The following IRS1 variants were observed in gnomAD, a reference collection of about 807,000 sequenced individuals.
IRS1 encodes the protein insulin receptor substrate 1.
IRS1 carries 34 observed loss-of-function variants against 65.6 expected under a neutral mutation model. The ratio of observed to expected loss-of-function variants is 0.52; its 90% CI spans 0.39 to 0.69. The LOEUF is 0.69. IRS1 is among the 30% of genes least tolerant of loss of function. The pLI, the probability that IRS1 is intolerant of heterozygous loss-of-function variation, is 0.00. For missense variants in IRS1, 1,641 were observed against 1,720.2 expected, an observed-to-expected ratio of 0.95 and a Z score of 0.81; for synonymous variants, 699 against 683.5, an observed-to-expected ratio of 1.02 and a Z score of -0.35.
In IRS1 at chr2:226,768,136, G is replaced by A. The variant is rs538939420; in HGVS notation, c.*21+26853C>T. 5.3e-5 allele frequency among the ~76,000 whole-genome samples: 8 copies of A among 152,110 alleles called. No individual in the cohort carries two copies. The South Asian group carries it at 1.5e-3, about 28-fold the overall frequency. On this transcript the variant is annotated intron_variant, in intron 1 of 1. Transcript: ENST00000305123. ...ACACTCTTCACCAGCACACAGCCTC[G>A]CCCCATAAGTCTCTCCCTTACTTCA...
At chr2:226,792,488 A>C (rs1939631452) in intron 1 of IRS1, 1 of 152,328 alleles carries the variant, frequency 6.6e-6, no homozygotes, top group African/African-American at 2.4e-5. Context: ...AGCAAGCCAG[A>C]ACTAAGAGGC....
At chr2:226,743,430 G>A (rs1317228001) in intron 1 of IRS1, among the ~76,000 whole-genome samples, 4 of 152,052 alleles carry the variant, frequency 2.6e-5, no homozygotes, top group Admixed American at 6.6e-5. Context: ...GGGTTTCACC[G>A]TGTTGGCCAG....
At chr2:226,764,475 C>T (rs1170441663) in intron 1 of IRS1, among the ~76,000 whole-genome samples, 2 of 151,988 alleles carry the variant, frequency 1.3e-5, no homozygotes, top group East Asian at 1.9e-4. Flanking sequence ...TCGAGGAGTG[C>T]GAGGCTGCAG....
At chr2:226,782,260 G>C (rs1325014014) in intron 1 of IRS1, among the ~76,000 whole-genome samples, 2 of 152,058 alleles carry the variant, frequency 1.3e-5, no homozygotes, top group African/African-American at 2.4e-5. Flanking sequence ...GTCTTGTTTT[G>C]TTTTGTTCTG....
intron 1 of IRS1, chr2:226,792,149 T>G (rs1173699345): frequency 1.3e-5 from 2 of 152,158 alleles, no homozygotes; most frequent in African/African-American, 4.8e-5. Flanking sequence ...TCTTTTTCTT[T>G]TTTCTTTTAA....
chr2:226,799,605 G>A lies in IRS1; in HGVS notation c.-867C>T, dbSNP rs1383607958. 1 of 1,011,298 alleles carries A rather than the reference G, an allele frequency of 9.9e-7. No individual in the cohort carries two copies. Among genetic ancestry groups the A allele is most frequent in the African/African-American group, 1.7e-5 (1 of 57,272 alleles). 62.6% of individuals were successfully genotyped at this position (1,011,298 alleles called of 1,614,324 possible). On this transcript the variant is annotated 5_prime_UTR_variant, in exon 1 of 2. Coordinates refer to ENST00000305123, the MANE Select transcript of IRS1 (RefSeq NM_005544.3). The surrounding 1 kb of genome is among the most constrained non-coding windows in gnomAD (Gnocchi z 6.1). ...GATGGGGGAGGTTTGGGAAGGGTTC[G>A]GGGAAGACGCCTGTTCCTCGGGAGG...
In IRS1 at chr2:226,795,030, G is replaced by C. The variant is rs747703859; in HGVS notation, c.3709C>G (p.Gln1237Glu). Residue 1237 changes from glutamine (Q) to glutamate (E), a missense_variant, in exon 1 of 2, where the codon CAG becomes GAG. This residue lies in a region of IRS1 where 1,324 missense variants were observed against 1,361.0 expected (regional missense o/e 0.97). Coordinates refer to ENST00000305123, the MANE Select transcript of IRS1 (RefSeq NM_005544.3). ...SAYASISFQK[Q>E]PEDRQ ...TTGAGCTACTGACGGTCCTCTGGCTGCTTCTGGAAACTGATGCTGGCATAG... is the reference window on the plus strand; with the variant it reads ...TTGAGCTACTGACGGTCCTCTGGCTCCTTCTGGAAACTGATGCTGGCATAG... The C allele has an allele frequency of 6.2e-7, 1 of 1,612,216 alleles. No homozygotes were observed.
At position 226,798,975 on chromosome 2, in the gene IRS1, G is replaced by T; in HGVS notation, c.-237C>A. Reference sequence around the variant, plus strand: ...TTTCGGGCGCTTCACGCCCGGCGGGGAGGCAGTGCGTCCGGGGTGAGGGCA... The same window carrying T: ...TTTCGGGCGCTTCACGCCCGGCGGGTAGGCAGTGCGTCCGGGGTGAGGGCA... On this transcript the variant is annotated 5_prime_UTR_variant, in exon 1 of 2. Transcript: ENST00000305123. The surrounding 1 kb of genome is among the most constrained non-coding windows in gnomAD (Gnocchi z 9.4). 1 of 1,441,408 alleles carries T rather than the reference G, an allele frequency of 6.9e-7. No individual in the cohort carries two copies. The highest frequency in any genetic ancestry group is 1.4e-5 in the African/African-American group (1 of 69,580). 89.3% of individuals were successfully genotyped at this position (1,441,408 alleles called of 1,614,324 possible). A position where few individuals can be genotyped will look rare whatever the true frequency, so the allele number is the denominator to read the frequency against.
At chr2:226,738,435 T>C (rs1938371635) in intron 1 of IRS1, among the ~76,000 whole-genome samples, 1 of 152,232 alleles carries the variant, frequency 6.6e-6, no homozygotes, top group South Asian at 2.1e-4. Flanking sequence ...GAGATTTCTA[T>C]TTATTTTTAA....
In IRS1 at chr2:226,797,766, G is replaced by A; in HGVS notation, c.973C>T (p.Arg325Cys). ...SMVGGKPGSF[R>C]VRASSDGEGT... ...TCGCCGTCACTGGAGGCGCGGACAC[G>A]GAAGGAGCCTGGCTTCCCGCCCACC... Residue 325 changes from arginine (R) to cysteine (C), a missense_variant, in exon 1 of 2, where the codon CGT (arginine) becomes TGT (cysteine). Transcript: ENST00000305123. The surrounding 1 kb of genome is among the most constrained non-coding windows in gnomAD (Gnocchi z 8.1). 1.3e-6 allele frequency: 2 copies of A among 1,595,854 alleles called. No individual in the cohort carries two copies. Among genetic ancestry groups the A allele is most frequent in the Non-Finnish European group, 1.7e-6 (2 of 1,174,992 alleles).
At position 226,794,890 on chromosome 2, in the gene IRS1, G is replaced by A. The variant is rs1939677022; in HGVS notation, c.*21+99C>T. 2.0e-6 allele frequency: 2 copies of A among 1,017,732 alleles called. No individual in the cohort carries two copies. The highest frequency in any genetic ancestry group is 2.4e-5 in the East Asian group (1 of 42,244). 63.0% of individuals were successfully genotyped at this position (1,017,732 alleles called of 1,614,324 possible). ...ATGTAAGTGCATTCTCCCTGAGGAA[G>A]CAGTGGGAAAGAACAGGAAGGGGCA... On this transcript the variant is annotated intron_variant, in intron 1 of 1. Coordinates refer to ENST00000305123, the MANE Select transcript of IRS1 (RefSeq NM_005544.3). The surrounding 1 kb of genome is among the most constrained non-coding windows in gnomAD (Gnocchi z 4.1).
At chr2:226,751,135 G>A (rs1312152269) in intron 1 of IRS1, among the ~76,000 whole-genome samples, 1 of 152,122 alleles carries the variant, frequency 6.6e-6, no homozygotes. Flanking sequence ...GGTGGGTAAG[G>A]TTCTAGAAGA....
intron 1 of IRS1, among the ~76,000 whole-genome samples, chr2:226,738,518 G>A (rs963817778): frequency 1.3e-5 from 2 of 152,124 alleles, no homozygotes; most frequent in Non-Finnish European, 2.9e-5. Flanking sequence ...TTGGCATGAC[G>A]ATCACAATAT....
At chr2:226,783,625 CA>C (rs1939430115) in intron 1 of IRS1, among the ~76,000 whole-genome samples, 1 of 152,168 alleles carries the variant, frequency 6.6e-6, no homozygotes. Context: ...TAGAAGTGTT[CA>C]CTATAAACAT....
In IRS1 at chr2:226,798,388, A is replaced by G; in HGVS notation, c.351T>C (p.Ala117=). The G allele has an allele frequency of 6.2e-7, 1 of 1,613,936 alleles. No homozygotes were observed. The highest frequency in any genetic ancestry group is 8.5e-7 in the Non-Finnish European group (1 of 1,179,998). ...YQALLQLHNR[A]KGHHDGAAAL... is the part of the protein sequence containing the mutation. ...CCGCAGCTCCGTCGTGGTGGCCCTTAGCACGGTTGTGCAGCTGTAGGAGAG... is the reference window on the plus strand; with the variant it reads ...CCGCAGCTCCGTCGTGGTGGCCCTTGGCACGGTTGTGCAGCTGTAGGAGAG... The change falls in exon 1 of 2, where the codon GCT becomes GCC. Residue 117 remains alanine, a synonymous_variant. Transcript: ENST00000305123. The surrounding 1 kb of genome is among the most constrained non-coding windows in gnomAD (Gnocchi z 9.4).
intron 1 of IRS1, among the ~76,000 whole-genome samples, chr2:226,751,411 G>A (rs954517843): frequency 1.3e-5 from 2 of 150,904 alleles, no homozygotes; most frequent in Non-Finnish European, 2.9e-5. Flanking sequence ...AGCCTCCCGA[G>A]TAGCTGGGAC....
At chr2:226,740,706 T>G (rs563002782) in intron 1 of IRS1, among the ~76,000 whole-genome samples, 1 of 152,194 alleles carries the variant, frequency 6.6e-6, no homozygotes, top group Non-Finnish European at 1.5e-5. Context: ...GTAATAAAAA[T>G]CTAGTTGGGG....
Position 226,798,261 on chromosome 2 carries a change from A to G in IRS1, c.478T>C (p.Phe160Leu), listed in dbSNP as rs1939791753. The G allele has an allele frequency of 6.2e-7, 1 of 1,613,234 alleles. No individual in the cohort carries two copies. The highest frequency in any genetic ancestry group is 1.3e-5 in the African/African-American group (1 of 74,910). ...SYGDVPPGPA[F>L]KEVWQVILKP... ...AGGATCACTTGCCAGACCTCTTTGA[A>G]TGCGGGTCCTGGGGGCACGTCACCG... The change falls in exon 1 of 2, where the codon TTC becomes CTC. Residue 160 changes from phenylalanine (F) to leucine (L), a missense_variant. Phe to Leu is a conservative substitution (Grantham distance 22). Around this residue, in one of 3 missense-constraint regions of IRS1, gnomAD observed 240 missense variants for 229.6 expected, o/e 1.05. Transcript: ENST00000305123. This position sits in a 1 kb window ranked among gnomAD's most constrained non-coding sequence, Gnocchi z 9.4.
chr2:226,798,378 G>C lies in IRS1; in HGVS notation c.361C>G (p.His121Asp), dbSNP rs1294358621. ...GCCCCGAGGGCCGCAGCTCCGTCGT[G>C]GTGGCCCTTAGCACGGTTGTGCAGC... Reference protein sequence around the residue: ...LQLHNRAKGHHDGAAALGAGG... With the variant: ...LQLHNRAKGHDDGAAALGAGG... Residue 121 changes from histidine (H) to aspartate (D), a missense_variant, in exon 1 of 2, where the codon CAC becomes GAC. Around this residue, in one of 3 missense-constraint regions of IRS1, gnomAD observed 240 missense variants for 229.6 expected, o/e 1.05. Coordinates refer to ENST00000305123, the MANE Select transcript of IRS1 (RefSeq NM_005544.3). This position sits in a 1 kb window ranked among gnomAD's most constrained non-coding sequence, Gnocchi z 9.4. 6.2e-7 allele frequency: 1 copy of C among 1,613,922 alleles called. No homozygotes were observed. Among genetic ancestry groups the C allele is most frequent in the Admixed American group, 1.7e-5 (1 of 60,028 alleles).
Sources: allele counts gnomAD v4.1 joint callset (sites outside exome capture counted in the v4.1 genomes callset), GRCh38; gene constraint gnomAD v4.1.1; regional missense constraint gnomAD v4.1.1; non-coding constraint Gnocchi (gnomAD v3.1); transcripts MANE v1.5; gene names NCBI Gene and HGNC (gene_info 2026-07-23, HGNC 2026-07-21).